The following DLG2 variants were observed in gnomAD, a reference collection of about 807,000 sequenced individuals.
The protein encoded by DLG2 is discs large MAGUK scaffold protein 2, also known as disks large homolog 2.
DLG2 carries 45 observed loss-of-function variants against 132.5 expected under a neutral mutation model. The observed-to-expected ratio is 0.34, with a 90% CI of 0.27 to 0.44. DLG2 has a LOEUF of 0.44. DLG2 is among the 20% of genes least tolerant of loss of function. The pLI, the probability that DLG2 is intolerant of heterozygous loss-of-function variation, is 1.00. For synonymous variants in DLG2, 424 were observed against 419.6 expected, an observed-to-expected ratio of 1.01 and a Z score of -0.13; for missense variants, 1,045 against 1,196.9, an observed-to-expected ratio of 0.87 and a Z score of 1.87.
chr11:83,910,892 A>G (rs2075922519), intron 15 of DLG2, among the ~76,000 whole-genome samples: 1 of 152,098 alleles, frequency 6.6e-6, no homozygotes, highest in African/African-American at 2.4e-5. Flanking sequence ...TTATGGGGAT[A>G]CCAACAAATT....
chr11:85,596,412 T>C (rs533065278), intron 3 of DLG2, among the ~76,000 whole-genome samples: 3 of 152,026 alleles, frequency 2.0e-5, no homozygotes, highest in South Asian at 2.1e-4. Context: ...CAAAATAAAA[T>C]AGAGTGATGA....
At chr11:85,006,979 A>G (rs2058714097) in intron 6 of DLG2, among the ~76,000 whole-genome samples, 1 of 152,188 alleles carries the variant, frequency 6.6e-6, no homozygotes, top group East Asian at 1.9e-4. Context: ...TCTCCATAAT[A>G]TTTTAAGTTT....
chr11:85,388,258 G>A (rs1451643962), intron 3 of DLG2, among the ~76,000 whole-genome samples: 3 of 151,980 alleles, frequency 2.0e-5, no homozygotes, highest in African/African-American at 7.2e-5. Flanking sequence ...TAATTCCATT[G>A]ACCTGGGAAC....
chr11:83,533,803 T>G (rs2095817665), intron 20 of DLG2, among the ~76,000 whole-genome samples: 1 of 152,032 alleles, frequency 6.6e-6, no homozygotes, highest in Admixed American at 6.6e-5. Context: ...AGGACTTGAG[T>G]TTTTTTCCTT....
intron 18 of DLG2, among the ~76,000 whole-genome samples, chr11:83,662,987 TA>T (rs2074711492): frequency 6.6e-6 from 1 of 152,212 alleles, no homozygotes; most frequent in Non-Finnish European, 1.5e-5. Flanking sequence ...TTCCTGAGGT[TA>T]CCTGATTTGG....
intron 3 of DLG2, among the ~76,000 whole-genome samples, chr11:85,347,971 T>TTG (rs2082982312): frequency 9.5e-6 from 1 of 105,500 alleles, no homozygotes; most frequent in African/African-American, 3.6e-5. Flanking sequence ...ACTTAACTTT[T>TTG]TTTTTTTTTT....
intron 3 of DLG2, among the ~76,000 whole-genome samples, chr11:85,521,607 C>CA (rs1010363347): frequency 3.1e-4 from 47 of 150,234 alleles, no homozygotes; most frequent in African/African-American, 7.3e-4. Context: ...GAGAACAAGA[C>CA]AAAAAAAAAT....
chr11:85,242,700 T>G (rs1206756706), intron 4 of DLG2, among the ~76,000 whole-genome samples: 3 of 151,826 alleles, frequency 2.0e-5, no homozygotes, highest in Non-Finnish European at 2.9e-5. Flanking sequence ...ATAATTGGCT[T>G]TTTATACTTA....
Position 84,212,320 on chromosome 11 carries a change from G to T in DLG2, c.573+38918C>A, listed in dbSNP as rs114023698. ...CTCACAATAGAAGGTATGTTTGCAG[G>T]GCTGGATCCAGGTTCTGTGGGGCTT... is the stretch of plus-strand genomic sequence containing the variant. On this transcript the variant is annotated intron_variant, in intron 8 of 27. Coordinates refer to ENST00000376104, the MANE Select transcript of DLG2 (RefSeq NM_001142699.3). 1.7e-3 allele frequency among the ~76,000 whole-genome samples: 261 copies of T among 152,202 alleles called. 1 individual carries two copies. The highest frequency in any genetic ancestry group is 6.1e-3 in the African/African-American group (252 of 41,550).
chr11:85,320,612 G>A (rs989199172), intron 3 of DLG2, among the ~76,000 whole-genome samples: 1 of 151,850 alleles, frequency 6.6e-6, no homozygotes, highest in African/African-American at 2.4e-5. Context: ...AAAAATTCAA[G>A]AGGTGAAAGG....
intron 16 of DLG2, among the ~76,000 whole-genome samples, chr11:83,848,386 T>A (rs1199052993): frequency 6.6e-6 from 1 of 152,204 alleles, no homozygotes; most frequent in Admixed American, 6.5e-5. Flanking sequence ...CACTAATTCA[T>A]ATCTCTAGCT....
intron 5 of DLG2, among the ~76,000 whole-genome samples, chr11:85,114,064 G>A (rs146213569): frequency 7.5e-4 from 114 of 152,030 alleles, no homozygotes; most frequent in Middle Eastern, 3.4e-3. Flanking sequence ...CTACCACTTC[G>A]CTCTACTTCT....
intron 6 of DLG2, among the ~76,000 whole-genome samples, chr11:84,885,535 A>G (rs1269984517): frequency 6.6e-6 from 1 of 152,054 alleles, no homozygotes; most frequent in East Asian, 1.9e-4. Context: ...TAGTATGGAA[A>G]TCAGAGTTGG....
intron 18 of DLG2, chr11:83,682,368 T>C (rs2078981449): frequency 6.1e-6 from 6 of 985,372 alleles, no homozygotes; most frequent in Non-Finnish European, 7.2e-6. Flanking sequence ...GGGGTGACCA[T>C]GCAGCATTCT....
chr11:84,278,885 T>A lies in DLG2; in HGVS notation c.520-27594A>T, dbSNP rs189276541. Among the ~76,000 whole-genome samples the A allele has an allele frequency of 4.4e-4, 67 of 152,196 alleles. 2 individuals are homozygous for A. Among genetic ancestry groups the A allele is most frequent in the African/African-American group, 1.5e-3 (64 of 41,524 alleles). ...AACATGTAGGTTTGTTACACAGATA[T>A]ACATGTGCCATGGTGGATTGCTGAA... On this transcript the variant is annotated intron_variant, in intron 7 of 27. Transcript: ENST00000376104.
At chr11:84,127,129 C>T (rs928609407) in intron 9 of DLG2, among the ~76,000 whole-genome samples, 2 of 152,070 alleles carry the variant, frequency 1.3e-5, no homozygotes, top group Non-Finnish European at 2.9e-5. Context: ...TATCAAAGGG[C>T]TATCTATATT....
chr11:84,573,644 T>C (rs2099491324), intron 6 of DLG2, among the ~76,000 whole-genome samples: 1 of 152,162 alleles, frequency 6.6e-6, no homozygotes, highest in Non-Finnish European at 1.5e-5. Context: ...TAAATGCTAT[T>C]GGAAATACAA....
At chr11:84,709,254 A>C (rs2060112810) in intron 6 of DLG2, among the ~76,000 whole-genome samples, 1 of 151,920 alleles carries the variant, frequency 6.6e-6, no homozygotes, top group African/African-American at 2.4e-5. Context: ...GAATACAGTT[A>C]ATATATGGTC....
intron 16 of DLG2, among the ~76,000 whole-genome samples, chr11:83,858,798 G>C (rs560912655): frequency 6.6e-6 from 1 of 152,178 alleles, no homozygotes; most frequent in Non-Finnish European, 1.5e-5. Context: ...AGATGTCAAG[G>C]GTGACAGGTA....
Sources: allele counts gnomAD v4.1 joint callset (sites outside exome capture counted in the v4.1 genomes callset), GRCh38; gene constraint gnomAD v4.1.1; transcripts MANE v1.5; gene names NCBI Gene and HGNC (gene_info 2026-07-23, HGNC 2026-07-21).